The following TMEM9 variants were observed in gnomAD, a reference collection of about 807,000 sequenced individuals.
The protein encoded by TMEM9 is transmembrane protein 9, also known as proton-transporting V-type ATPase complex assembly regulator TMEM9.
A neutral mutation model predicts 22.8 loss-of-function variants in TMEM9; 13 were observed. The ratio of observed to expected loss-of-function variants is 0.57; its 90% CI spans 0.37 to 0.91. The LOEUF (loss-of-function observed/expected upper bound fraction) is 0.91, where lower values mean the gene tolerates loss of function less well. TMEM9 is among the 40% of genes least tolerant of loss of function. The pLI is 0.01. For synonymous variants in TMEM9, 88 were observed against 93.0 expected (o/e 0.95, Z 0.31); for missense variants, 182 against 238.1 (o/e 0.76, Z 1.55).
intron 4 of TMEM9, among the ~76,000 whole-genome samples, chr1:201,141,619 A>C (rs548601512): frequency 6.6e-6 from 1 of 152,084 alleles, no homozygotes; most frequent in African/African-American, 2.4e-5. Context: ...CATCCTGTCC[A>C]TCCCAGGGCC....
intron 1 of TMEM9, among the ~76,000 whole-genome samples, chr1:201,165,964 C>T (rs922167836): frequency 1.3e-5 from 2 of 152,156 alleles, no homozygotes; most frequent in South Asian, 4.1e-4. Context: ...AGAGCCCTCC[C>T]GTGCAAATAT....
At chr1:201,155,268 T>C (rs1257896038), upstream of TMEM9, among the ~76,000 whole-genome samples, 1 of 151,038 alleles carries the variant, frequency 6.6e-6, no homozygotes, top group East Asian at 2.0e-4. Context: ...ACTTCCCTTA[T>C]CTGTAAAATG....
intron 1 of TMEM9, among the ~76,000 whole-genome samples, chr1:201,161,552 G>A (rs1206334808): frequency 6.6e-6 from 1 of 152,170 alleles, no homozygotes; most frequent in East Asian, 1.9e-4. Context: ...ACTGTATGTG[G>A]GGAAAATGTG....
intron 3 of TMEM9, 71 bp downstream of exon 3, chr1:201,146,669 G>A: frequency 6.9e-7 from 1 of 1,451,282 alleles, no homozygotes; most frequent in East Asian, 2.3e-5. Context: ...AAAAACTGTG[G>A]GTGTAGGCCA....
At chr1:201,170,508 A>T (rs980898317) in intron 1 of TMEM9, among the ~76,000 whole-genome samples, 44 of 152,196 alleles carry the variant, frequency 2.9e-4, no homozygotes, top group African/African-American at 1.0e-3. Context: ...GTAGTAGCCC[A>T]CATGACATGT....
upstream of TMEM9, among the ~76,000 whole-genome samples, chr1:201,158,104 T>A (rs1427407086): frequency 6.6e-6 from 1 of 152,154 alleles, no homozygotes; most frequent in African/African-American, 2.4e-5. Context: ...AGAGAGATGC[T>A]ATGCTGCTGG....
At chr1:201,158,611 A>T (rs1665864177), upstream of TMEM9, among the ~76,000 whole-genome samples, 1 of 152,110 alleles carries the variant, frequency 6.6e-6, no homozygotes, top group Admixed American at 6.5e-5. Context: ...GTGAGCCAGG[A>T]GGGAGCCGGG....
intron 1 of TMEM9, among the ~76,000 whole-genome samples, chr1:201,170,428 A>G (rs549399144): frequency 9.8e-5 from 15 of 152,356 alleles, no homozygotes; most frequent in African/African-American, 3.6e-4. Context: ...TAATGGAAAT[A>G]ATCTTCAATC....
intron 3 of TMEM9, 175 bp from the exon 4 acceptor site, chr1:201,144,126 G>C: frequency 1.6e-6 from 1 of 637,860 alleles, no homozygotes; most frequent in Non-Finnish European, 2.7e-6. Context: ...AGGAAAGGGA[G>C]GGCCCTACTC....
chr1:201,140,333 CA>C (rs1664411057), intron 4 of TMEM9, among the ~76,000 whole-genome samples: 1 of 152,244 alleles, frequency 6.6e-6, no homozygotes, highest in African/African-American at 2.4e-5. Flanking sequence ...GCCCAACCTG[CA>C]CATCTAAAAC....
intron 1 of TMEM9, among the ~76,000 whole-genome samples, chr1:201,163,554 C>T (rs56799079): frequency 0.047 from 7,186 of 152,104 alleles, 438 homozygotes; most frequent in African/African-American, 0.14. Flanking sequence ...CACGCCACTG[C>T]ACTCCAACCT....
rs1303793999 is a variant in TMEM9, at chr1:201,153,946, G to A, written c.-23C>T. On this transcript the variant is annotated 5_prime_UTR_variant, in exon 1 of 5. Coordinates refer to ENST00000367330, the MANE Select transcript of TMEM9 (RefSeq NM_001288565.2). ...CATGCTTATCAGGCTTGCTGGGCCAGCAAAGCCGGACACCTGGAAAAAGAG... is the reference window on the plus strand; with the variant it reads ...CATGCTTATCAGGCTTGCTGGGCCAACAAAGCCGGACACCTGGAAAAAGAG... 2 of 1,593,946 alleles carry A rather than the reference G, an allele frequency of 1.3e-6. No homozygotes were observed. Among genetic ancestry groups the A allele is most frequent in the East Asian group, 2.2e-5 (1 of 44,596 alleles).
chr1:201,155,156 G>C (rs1356515838), upstream of TMEM9, among the ~76,000 whole-genome samples: 1 of 152,212 alleles, frequency 6.6e-6, no homozygotes, highest in Non-Finnish European at 1.5e-5. Flanking sequence ...CAGGGCACCA[G>C]ACCCGGAGTG....
At chr1:201,167,449 G>A (rs1666105651) in intron 1 of TMEM9, among the ~76,000 whole-genome samples, 1 of 152,240 alleles carries the variant, frequency 6.6e-6, no homozygotes, top group South Asian at 2.1e-4. Context: ...GCGAGTCCAG[G>A]TGGAGCATGG....
intron 4 of TMEM9, among the ~76,000 whole-genome samples, chr1:201,136,476 G>A (rs967320238): frequency 4.6e-5 from 7 of 152,182 alleles, no homozygotes; most frequent in Admixed American, 6.5e-5. Context: ...GGGAAAGAGG[G>A]ATGTGACATC....
chr1:201,143,595 C>T (rs1235031851), intron 4 of TMEM9, among the ~76,000 whole-genome samples: 1 of 152,224 alleles, frequency 6.6e-6, no homozygotes, highest in Non-Finnish European at 1.5e-5. Context: ...ACATGGCTCC[C>T]CCGGCTTGTA....
chr1:201,166,241 T>C (rs1666074856), intron 1 of TMEM9, among the ~76,000 whole-genome samples: 1 of 152,128 alleles, frequency 6.6e-6, no homozygotes, highest in Non-Finnish European at 1.5e-5. Context: ...TCTTGGTATA[T>C]TCCTTTTACC....
intron 1 of TMEM9, among the ~76,000 whole-genome samples, chr1:201,162,845 T>C (rs1665978793): frequency 6.6e-6 from 1 of 151,988 alleles, no homozygotes; most frequent in East Asian, 1.9e-4. Flanking sequence ...ATGTAATATA[T>C]ATGAAGAACT....
chr1:201,144,348 G>A (rs1007726194), intron 3 of TMEM9: 9 of 200,388 alleles, frequency 4.5e-5, no homozygotes, highest in African/African-American at 1.8e-4. Flanking sequence ...AGGCTGTGGA[G>A]AGGCTGGAAA....
Sources: allele counts gnomAD v4.1 joint callset (sites outside exome capture counted in the v4.1 genomes callset), GRCh38; gene constraint gnomAD v4.1.1; transcripts MANE v1.5; gene names NCBI Gene and HGNC (gene_info 2026-07-23, HGNC 2026-07-21).